Variants in HIF1A observed in about 807,000 individuals in gnomAD.
HIF1A encodes hypoxia-inducible factor 1-alpha.
Under a neutral mutation model 92.7 loss-of-function variants are expected in HIF1A, and 24 were observed. The ratio of observed to expected loss-of-function variants is 0.26; its 90% CI spans 0.19 to 0.36. The LOEUF is 0.36. Ranked by LOEUF, HIF1A falls within the 10% of genes least tolerant of loss-of-function variation. The probability of loss-of-function intolerance (pLI) is 1.00; values close to 1 mark genes in which losing one functional copy is unlikely to be tolerated. For missense variants in HIF1A, 799 were observed against 998.5 expected, an observed-to-expected ratio of 0.80 and a Z score of 2.69; for synonymous variants, 319 against 338.7, an observed-to-expected ratio of 0.94 and a Z score of 0.64.
chr14:61,723,417 T>C (rs996626076), intron 4 of HIF1A, among the ~76,000 whole-genome samples: 2 of 152,258 alleles, frequency 1.3e-5, no homozygotes, highest in African/African-American at 4.8e-5. Context: ...TGAACTTCAG[T>C]AGACTGGCTT....
intron 12 of HIF1A, among the ~76,000 whole-genome samples, chr14:61,742,138 AAACAT>A (rs1442890467): frequency 6.6e-6 from 1 of 152,236 alleles, no homozygotes; most frequent in Non-Finnish European, 1.5e-5. Context: ...TAGTTCAAAC[AAACAT>A]ATGGACATGA....
chr14:61,742,003 T>C (rs72714578), intron 12 of HIF1A, among the ~76,000 whole-genome samples: 21 of 152,320 alleles, frequency 1.4e-4, no homozygotes, highest in Non-Finnish European at 2.5e-4. Context: ...AGTTAACTTG[T>C]ATTAAAGTTG....
intron 1 of HIF1A, among the ~76,000 whole-genome samples, chr14:61,711,147 A>G (rs1413567567): frequency 6.6e-6 from 1 of 151,852 alleles, no homozygotes; most frequent in Non-Finnish European, 1.5e-5. Context: ...CAAAGTTAGT[A>G]AACTCCTGTT....
chr14:61,723,801 GTT>G (rs1294770487), intron 4 of HIF1A, among the ~76,000 whole-genome samples: 1 of 152,200 alleles, frequency 6.6e-6, no homozygotes, highest in African/African-American at 2.4e-5. Flanking sequence ...TCTTAATATA[GTT>G]TAAATGTATG....
chr14:61,738,822 A>T (rs1279187259), intron 10 of HIF1A, among the ~76,000 whole-genome samples: 1 of 152,128 alleles, frequency 6.6e-6, no homozygotes, highest in African/African-American at 2.4e-5. Context: ...TCACAGCCTC[A>T]ACCTCCCAGG....
At chr14:61,705,956 G>C (rs1242065855) in intron 1 of HIF1A, among the ~76,000 whole-genome samples, 2 of 152,058 alleles carry the variant, frequency 1.3e-5, no homozygotes, top group African/African-American at 4.8e-5. Context: ...TTCAATACAT[G>C]TGTTTTTTCC....
chr14:61,712,883 G>A (rs1213172067), intron 1 of HIF1A, among the ~76,000 whole-genome samples: 2 of 150,500 alleles, frequency 1.3e-5, no homozygotes, highest in East Asian at 3.9e-4. Context: ...TTTAAGCATT[G>A]TGAAGGAAGA....
rs181825643 is a variant in HIF1A at position 61,720,997 on chromosome 14, T to G, written c.226+425T>G. Among the ~76,000 whole-genome samples, 13 of 152,170 alleles carry G rather than the reference T, an allele frequency of 8.5e-5. No homozygotes were observed. In the East Asian group the frequency reaches 2.5e-3, roughly 29 times the overall value. ...TGGCTCACGCCTGTAATCCCAGAAC[T>G]TTGGGATGCTGAGGCGGGTGGATCA... is the stretch of plus-strand genomic sequence containing the variant. On this transcript the variant is annotated intron_variant, in intron 2 of 14. Transcript: ENST00000337138.
chr14:61,744,671 G>A (rs747500655), intron 12 of HIF1A, 34 bp from the exon 13 acceptor site: 55 of 867,932 alleles, frequency 6.3e-5, no homozygotes, highest in Non-Finnish European at 8.8e-5. Context: ...TTTTAAAAAC[G>A]CTATATTTTC....
At chr14:61,729,009 C>G (rs1243306963) in intron 6 of HIF1A, among the ~76,000 whole-genome samples, 4 of 152,152 alleles carry the variant, frequency 2.6e-5, no homozygotes, top group African/African-American at 9.7e-5. Context: ...ACAATACAAT[C>G]TAAACTTAGC....
rs777594220 is a variant in HIF1A, at chr14:61,721,539, C to T, written c.257C>T (p.Ala86Val). ...GDLDIEDDMK[A>V]QMNCFYLKAL... Reference sequence around the variant, plus strand: ...TTGGATATTGAAGATGACATGAAAGCACAGATGAATTGCTTTTATTTGAAA... The same window carrying T: ...TTGGATATTGAAGATGACATGAAAGTACAGATGAATTGCTTTTATTTGAAA... Residue 86 changes from alanine (A) to valine (V), a missense_variant, in exon 3 of 15, where the codon GCA becomes GTA. Physicochemically the swap from Ala to Val is moderately conservative, Grantham distance 64. Transcript: ENST00000337138. 1 of 1,613,074 alleles carries T rather than the reference C, an allele frequency of 6.2e-7. No individual in the cohort carries two copies. The highest frequency in any genetic ancestry group is 1.7e-5 in the Admixed American group (1 of 60,002).
chr14:61,704,385 G>T (rs2044212682), intron 1 of HIF1A, among the ~76,000 whole-genome samples: 1 of 151,966 alleles, frequency 6.6e-6, no homozygotes, highest in African/African-American at 2.4e-5. Context: ...ACTGGTTTAT[G>T]TATAGACATG....
chr14:61,738,325 T>A lies in HIF1A; in HGVS notation c.1488T>A (p.Asp496Glu). The A allele has an allele frequency of 6.2e-7, 1 of 1,613,984 alleles. No individual in the cohort carries two copies. The highest frequency in any genetic ancestry group is 8.5e-7 in the Non-Finnish European group (1 of 1,179,952). ...CTTTTACCATGCCCCAGATTCAGGA[T>A]CAGACACCTAGTCCTTCCGATGGAA... is the stretch of plus-strand genomic sequence containing the variant. ...ELSFTMPQIQ[D>E]QTPSPSDGST... Residue 496 changes from aspartate to glutamate, a missense_variant, in exon 10 of 15, where the codon GAT becomes GAA. By Grantham distance (45) the Asp-to-Glu change is conservative (BLOSUM62 2). Coordinates refer to ENST00000337138, the MANE Select transcript of HIF1A (RefSeq NM_001530.4).
chr14:61,736,284 C>A (rs2044636828), intron 8 of HIF1A, among the ~76,000 whole-genome samples: 2 of 152,114 alleles, frequency 1.3e-5, no homozygotes, highest in African/African-American at 4.8e-5. Flanking sequence ...GCCTGGATAT[C>A]TGAAATTCTT....
intron 1 of HIF1A, among the ~76,000 whole-genome samples, chr14:61,713,800 G>A (rs1054472226): frequency 2.0e-5 from 3 of 152,194 alleles, no homozygotes; most frequent in African/African-American, 7.2e-5. Context: ...AAGTTCCTGA[G>A]GCCAGACTTG....
At chr14:61,731,902 C>G (rs2140147032) in intron 6 of HIF1A, among the ~76,000 whole-genome samples, 1 of 152,246 alleles carries the variant, frequency 6.6e-6, no homozygotes, top group South Asian at 2.1e-4. Flanking sequence ...TTTGGGAGGC[C>G]AAGGCGGGTG....
rs199694587 is a variant in HIF1A, at chr14:61,712,539, CAG to C, written c.36-7842_36-7841del. Among the ~76,000 whole-genome samples the C allele has an allele frequency of 1.2e-4, 18 of 149,418 alleles. No homozygotes were observed. In the East Asian group the frequency reaches 3.3e-3, roughly 28 times the overall value. ...AAAAGATTACAGGGGTGCAAAGAAACAGGGAGACAAAAGAATATAAGATTTTC... is the reference window on the plus strand; with the variant it reads ...AAAAGATTACAGGGGTGCAAAGAAACGGAGACAAAAGAATATAAGATTTTC... On this transcript the variant is annotated intron_variant, in intron 1 of 14. Transcript: ENST00000337138.
chr14:61,721,103 C>T (rs10148514), intron 2 of HIF1A, among the ~76,000 whole-genome samples: 129,499 of 152,062 alleles, frequency 0.85, 56,645 homozygotes, highest in Non-Finnish European at 0.95. Context: ...TAGATGGGCA[C>T]GCTGGTAGGT....
chr14:61,720,554 A>C lies in HIF1A; in HGVS notation c.208A>C (p.Arg70=). The change falls in exon 2 of 15, where the codon AGG becomes CGG. Residue 70 remains arginine (R), a synonymous_variant. Transcript: ENST00000337138. ...MRLTISYLRV[R]KLLDAGDLDI... is the part of the protein sequence containing the mutation. The stretch of plus-strand genomic sequence containing the variant: ...GCTTACCATCAGCTATTTGCGTGTG[A>C]GGAAACTTCTGGATGCTGGTGAGTT... 2.5e-6 allele frequency: 4 copies of C among 1,605,458 alleles called. No individual in the cohort carries two copies. Among genetic ancestry groups the C allele is most frequent in the Non-Finnish European group, 3.4e-6 (4 of 1,176,684 alleles).
Sources: gnomAD v4.1 joint callset for allele counts (sites outside exome capture counted in the v4.1 genomes callset) on GRCh38, gnomAD v4.1.1 for gene constraint, MANE v1.5 for transcripts, NCBI Gene and HGNC (gene_info 2026-07-23, HGNC 2026-07-21) for gene names.